Variants in KIF21A observed in about 807,000 individuals in gnomAD.
KIF21A encodes kinesin family member 21A.
Under a neutral mutation model 202.9 loss-of-function variants are expected in KIF21A, and 114 were observed. The ratio of observed to expected loss-of-function variants is 0.56; its 90% CI spans 0.48 to 0.66. KIF21A has a LOEUF of 0.66. Ranked by LOEUF, KIF21A falls within the 30% of genes least tolerant of loss-of-function variation. KIF21A has a pLI of 0.00. For missense variants in KIF21A, 1,677 were observed against 1,994.9 expected (o/e 0.84, Z 3.04); for synonymous variants, 667 against 670.8 (o/e 0.99, Z 0.09).
Position 39,341,557 on chromosome 12 carries a change from G to C in KIF21A, c.1869C>G (p.Asp623Glu). 1 of 1,612,326 alleles carries C rather than the reference G, an allele frequency of 6.2e-7. No individual in the cohort carries two copies. The change falls in exon 14 of 38, where the codon GAC becomes GAG. Residue 623 changes from aspartate (D) to glutamate (E), a missense_variant. Around this residue, in one of 3 missense-constraint regions of KIF21A, gnomAD observed 966 missense variants for 1,180.9 expected, o/e 0.82. Coordinates refer to ENST00000361418, the MANE Select transcript of KIF21A (RefSeq NM_001173464.2). ...CATCAGAACTTTCACCCCCATCAAT[G>C]TCATCTTCCTCCTCCTCCTCCTCCT... ...EEEEEEEEED[D>E]IDGGESSDES...
intron 1 of KIF21A, among the ~76,000 whole-genome samples, chr12:39,421,723 T>TTATATATATATATA (rs374130613): frequency 7.4e-6 from 1 of 135,024 alleles, no homozygotes; most frequent in African/African-American, 2.8e-5. Flanking sequence ...TATATATAAT[T>TTATATATATATATA]TATATATATA....
In KIF21A at chr12:39,330,823, TG is replaced by T; in HGVS notation, c.3241del (p.Gln1081SerfsTer7). 3 of 1,613,968 alleles carry T rather than the reference TG, an allele frequency of 1.9e-6. No homozygotes were observed. Among genetic ancestry groups the T allele is most frequent in the Non-Finnish European group, 2.5e-6 (3 of 1,179,866 alleles). ...QTEITSATQN[Q>X]LLFHMLKEKA... Reference sequence around the variant, plus strand: ...CTCTTTCAACATATGGAATAAGAGCTGGTTTTGGGTAGCACTGGTTATTTCT... The same window carrying T: ...CTCTTTCAACATATGGAATAAGAGCTGTTTTGGGTAGCACTGGTTATTTCT... On this transcript the variant is annotated frameshift_variant, in exon 23 of 38. Transcript: ENST00000361418. LOFTEE classifies it high-confidence loss of function.
intron 28 of KIF21A, among the ~76,000 whole-genome samples, chr12:39,318,748 G>A (rs11834150): frequency 6.6e-6 from 1 of 152,054 alleles, no homozygotes; most frequent in Non-Finnish European, 1.5e-5. Flanking sequence ...TTGGGAGGCC[G>A]AGGCGGGCGG....
In KIF21A at chr12:39,363,224, GAGAA is replaced by G. The variant is rs750661372; in HGVS notation, c.904-15_904-12del. The G allele has an allele frequency of 1.2e-5, 18 of 1,509,008 alleles. No individual in the cohort carries two copies. The highest frequency in any genetic ancestry group is 9.0e-5 in the East Asian group (4 of 44,232). The allele number at this position is 1,509,008 out of a possible 1,614,324, so 93.5% of individuals were successfully genotyped here. A position where few individuals can be genotyped will look rare whatever the true frequency, so the allele number is the denominator to read the frequency against. On this transcript the variant is annotated splice_polypyrimidine_tract_variant and intron_variant, in intron 6 of 37. Transcript: ENST00000361418. ...ATTGCCAAGTGCCAACTAAAAGAAA[GAGAA>G]AGAAAGACAGCAAAATGATACAAAT...
chr12:39,325,843 T>C lies in KIF21A; in HGVS notation c.3452A>G (p.Asn1151Ser). ...GATACTTTTAGTTCTCCTTACCTTG[T>C]TCTTAGGTTTCACTTCACCACAAAG... is the stretch of plus-strand genomic sequence containing the variant. ...MKLCGEVKPKNKARRRTTTQM... is the reference protein window; with the variant it reads ...MKLCGEVKPKSKARRRTTTQM... Residue 1151 changes from asparagine (N) to serine (S), a missense_variant, in exon 26 of 38, where the codon AAC becomes AGC. Physicochemically the swap from Asn to Ser is conservative, Grantham distance 46. Transcript: ENST00000361418. The C allele has an allele frequency of 1.2e-6, 2 of 1,608,626 alleles. No individual in the cohort carries two copies. The highest frequency in any genetic ancestry group is 1.7e-6 in the Non-Finnish European group (2 of 1,175,306).
chr12:39,414,478 T>C (rs1399384772), intron 1 of KIF21A, among the ~76,000 whole-genome samples: 1 of 152,244 alleles, frequency 6.6e-6, no homozygotes, highest in Non-Finnish European at 1.5e-5. Context: ...TAAAGAATTC[T>C]ACACAGTCTT....
intron 12 of KIF21A, 32 bp downstream of exon 12, chr12:39,346,434 A>G (rs550285071): frequency 1.1e-5 from 16 of 1,434,028 alleles, no homozygotes; most frequent in Non-Finnish European, 1.4e-5. Flanking sequence ...TTTAAACGAC[A>G]TTTTAATAAA....
intron 9 of KIF21A, 139 bp from the exon 10 acceptor site, chr12:39,357,034 G>T (rs1010810152): frequency 6.1e-6 from 4 of 654,010 alleles, no homozygotes; most frequent in African/African-American, 1.8e-5. Flanking sequence ...TTTATTACAT[G>T]AGCAGACCAC....
At position 39,442,991 on chromosome 12, in the gene KIF21A, G is replaced by T; in HGVS notation, c.-21C>A. On this transcript the variant is annotated 5_prime_UTR_variant, in exon 1 of 38. Coordinates refer to ENST00000361418, the MANE Select transcript of KIF21A (RefSeq NM_001173464.2). This position sits in a 1 kb window ranked among gnomAD's most constrained non-coding sequence, Gnocchi z 5.0. The stretch of plus-strand genomic sequence containing the variant: ...AACATGCTGGCGGCGGGCAGCGATC[G>T]AGCCGTTGGGCCTCGGCACCGCAGA... 1 of 1,517,830 alleles carries T rather than the reference G, an allele frequency of 6.6e-7. No individual in the cohort carries two copies. The highest frequency in any genetic ancestry group is 1.2e-5 in the South Asian group (1 of 82,112). The allele number at this position is 1,517,830 out of a possible 1,614,324, so 94.0% of individuals were successfully genotyped here. A position where few individuals can be genotyped will look rare whatever the true frequency, so the allele number is the denominator to read the frequency against.
chr12:39,402,757 G>T (rs1828653), intron 1 of KIF21A, among the ~76,000 whole-genome samples: 45,212 of 151,850 alleles, frequency 0.3, 8,497 homozygotes, highest in African/African-American at 0.53. Flanking sequence ...TGGCAATTTT[G>T]GTTTTAGCTC....
At position 39,332,962 on chromosome 12, in the gene KIF21A, G is replaced by A. The variant is rs1313920515; in HGVS notation, c.2633C>T (p.Ala878Val). ...AVETDASRTG[A>V]QQKMRIPVAR... ...CACAGGAATTCTCATTTTCTGCTGG[G>A]CTCCTGTCCTTGATGCATCTGTTTC... is the stretch of plus-strand genomic sequence containing the variant. The change falls in exon 19 of 38, where the codon GCC (alanine) becomes GTC (valine). Residue 878 changes from alanine (A) to valine (V), a missense_variant. By Grantham distance (64) the Ala-to-Val change is moderately conservative. Around this residue, in one of 3 missense-constraint regions of KIF21A, gnomAD observed 966 missense variants for 1,180.9 expected, o/e 0.82. Coordinates refer to ENST00000361418, the MANE Select transcript of KIF21A (RefSeq NM_001173464.2). 6.2e-7 allele frequency: 1 copy of A among 1,614,122 alleles called. No homozygotes were observed. Among genetic ancestry groups the A allele is most frequent in the South Asian group, 1.1e-5 (1 of 91,076 alleles).
intron 35 of KIF21A, 113 bp from the exon 36 acceptor site, chr12:39,303,248 G>T: frequency 1.2e-6 from 1 of 820,518 alleles, no homozygotes; most frequent in Non-Finnish European, 2.0e-6. Context: ...GACTTGTTTT[G>T]TTATCTATTG....
At chr12:39,322,478 A>G in intron 27 of KIF21A, 190 bp downstream of exon 27, 1 of 526,524 alleles carries the variant, frequency 1.9e-6, no homozygotes, top group Non-Finnish European at 3.3e-6. Flanking sequence ...CAATTCAACA[A>G]AGGACATCTC....
intron 1 of KIF21A, among the ~76,000 whole-genome samples, chr12:39,375,281 T>A (rs368879176): frequency 1.1e-3 from 165 of 152,140 alleles, no homozygotes; most frequent in African/African-American, 3.7e-3. Context: ...TCAACTAGAG[T>A]TTTAGTCATG....
chr12:39,300,299 G>A (rs949495502), intron 37 of KIF21A, among the ~76,000 whole-genome samples: 3 of 152,040 alleles, frequency 2.0e-5, no homozygotes, highest in Non-Finnish European at 2.9e-5. Context: ...TTCCAAGGAA[G>A]TAAGCAAAAG....
intron 12 of KIF21A, among the ~76,000 whole-genome samples, chr12:39,345,147 C>T (rs1227806934): frequency 1.3e-5 from 2 of 152,172 alleles, no homozygotes; most frequent in Non-Finnish European, 2.9e-5. Context: ...TGTTCTGTAA[C>T]CACCCAACCA....
chr12:39,345,385 G>A (rs1352016879), intron 12 of KIF21A, among the ~76,000 whole-genome samples: 1 of 151,938 alleles, frequency 6.6e-6, no homozygotes, highest in African/African-American at 2.4e-5. Context: ...GCTTAGGTGA[G>A]TTATAGTATG....
intron 27 of KIF21A, among the ~76,000 whole-genome samples, chr12:39,321,175 CAAGT>C (rs1468752004): frequency 2.6e-5 from 4 of 151,996 alleles, no homozygotes; most frequent in Non-Finnish European, 4.4e-5. Flanking sequence ...GTTACTGCAC[CAAGT>C]GAGTGACCAA....
chr12:39,380,204 G>T (rs1159733482), intron 1 of KIF21A, among the ~76,000 whole-genome samples: 1 of 152,338 alleles, frequency 6.6e-6, no homozygotes, highest in South Asian at 2.1e-4. Context: ...CTGTGCTCAG[G>T]CAATCCGCCT....
Sources: gnomAD v4.1 joint callset for allele counts (sites outside exome capture counted in the v4.1 genomes callset) on GRCh38, gnomAD v4.1.1 for gene constraint, gnomAD v4.1.1 regional missense constraint, Gnocchi (gnomAD v3.1) non-coding constraint, MANE v1.5 for transcripts, NCBI Gene and HGNC (gene_info 2026-07-23, HGNC 2026-07-21) for gene names.